Variants in YAE1 observed in about 807,000 individuals in gnomAD.
YAE1 encodes YAE1 maturation factor of ABCE1, also known as protein YAE1 homolog.
A neutral mutation model predicts 23.0 loss-of-function variants in YAE1; 22 were observed. The observed-to-expected ratio is 0.96, with a 90% confidence interval of 0.68 to 1.37. YAE1 has a LOEUF of 1.37. YAE1 is among the 40% of genes most tolerant of loss of function. The pLI, the probability that YAE1 is intolerant of heterozygous loss-of-function variation, is 0.00. For missense variants in YAE1, 260 were observed against 262.1 expected (o/e 0.99, Z 0.06); for synonymous variants, 101 against 97.0 (o/e 1.04, Z -0.24).
intron 2 of YAE1, among the ~76,000 whole-genome samples, chr7:39,571,248 AT>A (rs1024465037): frequency 5.3e-5 from 8 of 149,640 alleles, no homozygotes; most frequent in African/African-American, 2.0e-4. Context: ...GCATTATGAA[AT>A]TTTTTTCATG....
exon 3 of YAE1, chr7:39,609,757 A>T (rs1340909398): frequency 6.5e-7 from 1 of 1,535,036 alleles, no homozygotes; most frequent in Non-Finnish European, 8.7e-7. Context: ...ACGGAGCTCG[A>T]GGCGACGCTG....
intron 2 of YAE1, among the ~76,000 whole-genome samples, chr7:39,603,721 T>G (rs1218507570): frequency 6.6e-6 from 1 of 152,198 alleles, no homozygotes; most frequent in Non-Finnish European, 1.5e-5. Flanking sequence ...GAATCTTCAA[T>G]AAAATTTAAC....
At chr7:39,586,945 G>C (rs1031323633) in intron 2 of YAE1, among the ~76,000 whole-genome samples, 6 of 152,218 alleles carry the variant, frequency 3.9e-5, no homozygotes, top group African/African-American at 1.4e-4. Flanking sequence ...ATACAAAGGG[G>C]TTTCTCCCCA....
At chr7:39,606,163 T>C (rs1056589182) in intron 2 of YAE1, among the ~76,000 whole-genome samples, 1 of 152,256 alleles carries the variant, frequency 6.6e-6, no homozygotes. Context: ...TTGTGACTTC[T>C]AGCTGTATTT....
intron 2 of YAE1, among the ~76,000 whole-genome samples, chr7:39,598,573 G>A (rs1342059739): frequency 6.6e-6 from 1 of 151,848 alleles, no homozygotes; most frequent in Non-Finnish European, 1.5e-5. Context: ...GCTCAGGAGT[G>A]TGAAACCAGC....
intron 1 of YAE1, chr7:39,569,951 T>C: frequency 7.5e-7 from 1 of 1,325,684 alleles, no homozygotes; most frequent in Non-Finnish European, 1.1e-6. Context: ...CTGTGACATC[T>C]ACTTTCACAA....
At chr7:39,595,391 G>C (rs1790960468) in intron 2 of YAE1, among the ~76,000 whole-genome samples, 1 of 151,944 alleles carries the variant, frequency 6.6e-6, no homozygotes, top group Non-Finnish European at 1.5e-5. Context: ...GTCATAATCT[G>C]AAAGGAAAAA....
chr7:39,569,058 A>G (rs1481257006), intron 1 of YAE1, among the ~76,000 whole-genome samples: 2 of 152,222 alleles, frequency 1.3e-5, no homozygotes, highest in African/African-American at 4.8e-5. Flanking sequence ...AAGTACCCCA[A>G]TAATGCAATA....
chr7:39,598,462 T>A (rs372909677), intron 2 of YAE1, among the ~76,000 whole-genome samples: 1 of 150,440 alleles, frequency 6.6e-6, no homozygotes, highest in African/African-American at 2.5e-5. Context: ...TAAATGAAGT[T>A]GTAAATATTG....
At chr7:39,596,570 A>G (rs1248785485) in intron 2 of YAE1, among the ~76,000 whole-genome samples, 1 of 152,120 alleles carries the variant, frequency 6.6e-6, no homozygotes, top group Admixed American at 6.6e-5. Flanking sequence ...ATTCCTCATT[A>G]TGTAGCTTAA....
intron 2 of YAE1, among the ~76,000 whole-genome samples, chr7:39,571,419 A>AG (rs1416630046): frequency 6.6e-6 from 1 of 151,724 alleles, no homozygotes; most frequent in Non-Finnish European, 1.5e-5. Context: ...TCCTTGGTAG[A>AG]GAAAAAAAAA....
At chr7:39,586,995 G>T (rs571362903) in intron 2 of YAE1, among the ~76,000 whole-genome samples, 344 of 126,844 alleles carry the variant, frequency 2.7e-3, no homozygotes, top group Non-Finnish European at 3.6e-3. Context: ...CTAAAGCCTG[G>T]AAAGAGTCTT....
intron 1 of YAE1, chr7:39,570,253 A>T: frequency 3.1e-6 from 2 of 637,658 alleles, no homozygotes; most frequent in Non-Finnish European, 5.3e-6. Context: ...TAGGTTTTTT[A>T]AAAACTGTGA....
At chr7:39,577,461 C>T (rs1049814827), downstream of YAE1, among the ~76,000 whole-genome samples, 5 of 152,258 alleles carry the variant, frequency 3.3e-5, no homozygotes, top group Middle Eastern at 0.014. Flanking sequence ...GGCGAGCCAG[C>T]GTGAGCTTCT....
chr7:39,570,521 G>A lies in YAE1; in HGVS notation c.145G>A (p.Gly49Arg), dbSNP rs750326373. 1.1e-5 allele frequency: 18 copies of A among 1,612,090 alleles called. No homozygotes were observed. Among genetic ancestry groups the A allele is most frequent in the South Asian group, 4.4e-5 (4 of 90,520 alleles). Residue 49 changes from glycine (G) to arginine (R), a missense_variant, in exon 2 of 3, where the codon GGA becomes AGA. Gly to Arg is a moderately radical substitution (Grantham distance 125). Coordinates refer to ENST00000223273, the MANE Select transcript of YAE1 (RefSeq NM_020192.5). ...TTATTTTTAGGAAGGTTATAGAGAT[G>A]GAATAGATGCTGGCAAAGCAGTTAC... is the stretch of plus-strand genomic sequence containing the variant. ...QRRVKEGYRD[G>R]IDAGKAVTLQ...
intron 1 of YAE1, among the ~76,000 whole-genome samples, chr7:39,569,216 C>T (rs2115766923): frequency 6.6e-6 from 1 of 152,306 alleles, no homozygotes; most frequent in Middle Eastern, 3.4e-3. Context: ...TTCAAACTTA[C>T]ATACCTAGTG....
intron 2 of YAE1, among the ~76,000 whole-genome samples, chr7:39,593,056 C>G (rs1022178063): frequency 1.3e-5 from 2 of 150,808 alleles, no homozygotes; most frequent in African/African-American, 4.9e-5. Context: ...TTCTATTGAT[C>G]TATTTTCAAG....
intron 2 of YAE1, among the ~76,000 whole-genome samples, chr7:39,593,758 C>T (rs983701179): frequency 5.3e-5 from 8 of 152,206 alleles, no homozygotes; most frequent in African/African-American, 1.9e-4. Context: ...CGCATCCAGC[C>T]TGGTTATTTC....
chr7:39,610,022 G>A, exon 3 of YAE1: 1 of 1,498,532 alleles, frequency 6.7e-7, no homozygotes, highest in Non-Finnish European at 8.9e-7. Flanking sequence ...TTGTGCTTAG[G>A]AAAGCCAGCC....
Sources: gnomAD v4.1 joint callset for allele counts (sites outside exome capture counted in the v4.1 genomes callset) on GRCh38, gnomAD v4.1.1 for gene constraint, MANE v1.5 for transcripts, NCBI Gene and HGNC (gene_info 2026-07-23, HGNC 2026-07-21) for gene names.